SPAST: variants seen among roughly 807,000 people sequenced by gnomAD.
SPAST encodes the protein spastic paraplegia 4 (autosomal dominant; spastin).
Under a neutral mutation model 76.6 loss-of-function variants are expected in SPAST, and 30 were observed. That is an observed-to-expected ratio of 0.39 (90% CI 0.29 to 0.53). The LOEUF (loss-of-function observed/expected upper bound fraction) is 0.53. Ranked by LOEUF, SPAST falls within the 20% of genes least tolerant of loss-of-function variation. SPAST has a pLI of 0.68. For synonymous variants in SPAST, 305 were observed against 281.0 expected (o/e 1.09, Z -0.86); for missense variants, 717 against 770.5 (o/e 0.93, Z 0.82).
chr2:32,125,287 G>A (rs978046441), intron 7 of SPAST, among the ~76,000 whole-genome samples: 5 of 151,820 alleles, frequency 3.3e-5, no homozygotes, highest in African/African-American at 1.2e-4. Flanking sequence ...ACAATGGCAC[G>A]ATCTCGGCTC....
chr2:32,077,661 C>T (rs1256132876), intron 1 of SPAST, among the ~76,000 whole-genome samples: 1 of 152,192 alleles, frequency 6.6e-6, no homozygotes, highest in Non-Finnish European at 1.5e-5. Context: ...AAACACATAT[C>T]CTCTCACTCT....
chr2:32,102,130 C>T (rs1180140491), intron 4 of SPAST, among the ~76,000 whole-genome samples: 2 of 152,178 alleles, frequency 1.3e-5, no homozygotes, highest in South Asian at 2.1e-4. Flanking sequence ...TTCCATTTGT[C>T]TGTGTCCTCT....
At chr2:32,065,310 G>A (rs2280971) in intron 1 of SPAST, among the ~76,000 whole-genome samples, 1 of 152,040 alleles carries the variant, frequency 6.6e-6, no homozygotes, top group South Asian at 2.1e-4. Context: ...GAGCCACCGC[G>A]CCTGGCCTTA....
At chr2:32,072,823 T>G (rs1002324768) in intron 1 of SPAST, among the ~76,000 whole-genome samples, 11 of 152,348 alleles carry the variant, frequency 7.2e-5, no homozygotes, top group African/African-American at 2.4e-4. Flanking sequence ...CCTACCACTT[T>G]GAAAGGATTA....
At chr2:32,137,241 A>T in intron 12 of SPAST, 53 bp downstream of exon 12, 7 of 1,274,938 alleles carry the variant, frequency 5.5e-6, no homozygotes, top group Non-Finnish European at 6.9e-6. Flanking sequence ...ATATTTACTC[A>T]TGTGTCCATC....
At chr2:32,123,510 T>G (rs1679085968) in intron 7 of SPAST, among the ~76,000 whole-genome samples, 1 of 152,160 alleles carries the variant, frequency 6.6e-6, no homozygotes, top group South Asian at 2.1e-4. Flanking sequence ...GCCAGTTATT[T>G]TGTGGATACT....
In SPAST at chr2:32,150,239, A is replaced by ATT. The variant is rs11363493; in HGVS notation, c.1728+3004_1728+3005dup. ...AGGTGCACGCCACCACGCCCAGCTA[A>ATT]TTTTTTTTTTTTTTTTTTTTTTTTG... On this transcript the variant is annotated intron_variant, in intron 16 of 16. Coordinates refer to ENST00000315285, the MANE Select transcript of SPAST (RefSeq NM_014946.4). 2.2e-3 allele frequency among the ~76,000 whole-genome samples: 149 copies of ATT among 66,592 alleles called. 2 individuals are homozygous for ATT. The highest frequency in any genetic ancestry group is 7.6e-3 in the African/African-American group (125 of 16,386). The allele number at this position is 66,592 out of a possible 152,430, so 43.7% of individuals were successfully genotyped here.
chr2:32,103,018 T>C (rs1358697470), intron 4 of SPAST, among the ~76,000 whole-genome samples: 1 of 152,220 alleles, frequency 6.6e-6, no homozygotes, highest in Non-Finnish European at 1.5e-5. Flanking sequence ...TTTCTATTGA[T>C]TGGAATCATT....
intron 4 of SPAST, among the ~76,000 whole-genome samples, chr2:32,114,311 G>T (rs1338120638): frequency 6.6e-6 from 1 of 152,076 alleles, no homozygotes; most frequent in African/African-American, 2.4e-5. Flanking sequence ...TTGGGAGTTT[G>T]AGGTGGGAGG....
Position 32,063,721 on chromosome 2 carries a change from C to T in SPAST, c.-111C>T, listed in dbSNP as rs908226208. On this transcript the variant is annotated 5_prime_UTR_variant, in exon 1 of 17. Coordinates refer to ENST00000315285, the MANE Select transcript of SPAST (RefSeq NM_014946.4). ...GGCAGTGCGGAGCTCCTGAGACCGGCGGGCACACGGGGGTCTGTGGCCCCC... is the reference window on the plus strand; with the variant it reads ...GGCAGTGCGGAGCTCCTGAGACCGGTGGGCACACGGGGGTCTGTGGCCCCC... The T allele has an allele frequency of 2.1e-6, 3 of 1,420,398 alleles. No homozygotes were observed. In the African/African-American group the frequency reaches 4.3e-5, roughly 20 times the overall value. 88.0% of individuals were successfully genotyped at this position (1,420,398 alleles called of 1,614,324 possible). A position where few individuals can be genotyped will look rare whatever the true frequency, so the allele number is the denominator to read the frequency against.
At chr2:32,072,739 C>T (rs1676801815) in intron 1 of SPAST, among the ~76,000 whole-genome samples, 1 of 152,066 alleles carries the variant, frequency 6.6e-6, no homozygotes, top group Non-Finnish European at 1.5e-5. Context: ...TATCTGTTTT[C>T]AGAAGATGAG....
At chr2:32,067,956 TATA>T (rs1676588823) in intron 1 of SPAST, among the ~76,000 whole-genome samples, 1 of 151,786 alleles carries the variant, frequency 6.6e-6, no homozygotes, top group African/African-American at 2.4e-5. Context: ...ACTTTTTCTT[TATA>T]TTTTGATTTC....
At chr2:32,098,253 G>T (rs1194359519) in intron 3 of SPAST, among the ~76,000 whole-genome samples, 4 of 152,028 alleles carry the variant, frequency 2.6e-5, no homozygotes, top group Non-Finnish European at 5.9e-5. Flanking sequence ...ATCGCTTAAG[G>T]CCAGGAGCTT....
chr2:32,078,309 A>C (rs1163389547), intron 1 of SPAST, among the ~76,000 whole-genome samples: 5 of 152,030 alleles, frequency 3.3e-5, no homozygotes, highest in Admixed American at 6.6e-5. Flanking sequence ...GTAGCTTGGG[A>C]TTACAGGCAT....
chr2:32,108,488 C>T (rs1201602032), intron 4 of SPAST, among the ~76,000 whole-genome samples: 1 of 152,060 alleles, frequency 6.6e-6, no homozygotes, highest in Admixed American at 6.6e-5. Flanking sequence ...TACATCTTTA[C>T]AAACTCATCA....
rs1183326605 is a variant in SPAST at position 32,064,234 on chromosome 2, G to C, written c.403G>C (p.Glu135Gln). 2 of 1,547,920 alleles carry C rather than the reference G, an allele frequency of 1.3e-6. No homozygotes were observed. Reference protein sequence around the residue: ...EYISIALRIDEDEKAGQKEQA... With the variant: ...EYISIALRIDQDEKAGQKEQA... Reference sequence around the variant, plus strand: ...CATCTCCATTGCCCTGCGCATCGATGAGGATGAGAAAGGTAACTAGGGGGC... The same window carrying C: ...CATCTCCATTGCCCTGCGCATCGATCAGGATGAGAAAGGTAACTAGGGGGC... Residue 135 changes from glutamate (E) to glutamine (Q), a missense_variant, in exon 1 of 17, where the codon GAG (glutamate) becomes CAG (glutamine). Coordinates refer to ENST00000315285, the MANE Select transcript of SPAST (RefSeq NM_014946.4).
chr2:32,073,413 G>C (rs1676828882), intron 1 of SPAST, among the ~76,000 whole-genome samples: 1 of 152,182 alleles, frequency 6.6e-6, no homozygotes, highest in African/African-American at 2.4e-5. Context: ...GTTCCACCCA[G>C]TAGTAGTTGG....
chr2:32,069,306 T>G (rs944271689), intron 1 of SPAST, among the ~76,000 whole-genome samples: 3 of 152,048 alleles, frequency 2.0e-5, no homozygotes, highest in African/African-American at 7.3e-5. Flanking sequence ...TTTTTGTACT[T>G]TAGTCTTAAT....
At chr2:32,137,230 A>G (rs763961370) in intron 12 of SPAST, 42 bp downstream of exon 12, 1 of 1,349,996 alleles carries the variant, frequency 7.4e-7, no homozygotes, top group East Asian at 2.3e-5. Flanking sequence ...TATTACAGAC[A>G]ATATTTACTC....
Sources: allele counts gnomAD v4.1 joint callset (sites outside exome capture counted in the v4.1 genomes callset), GRCh38; gene constraint gnomAD v4.1.1; transcripts MANE v1.5; gene names NCBI Gene and HGNC (gene_info 2026-07-23, HGNC 2026-07-21).